SKIC3: variants seen among roughly 807,000 people sequenced by gnomAD.
SKIC3 encodes superkiller complex protein 3.
the SKIC3 span, among the ~76,000 whole-genome samples, chr5:95,469,387 T>A: frequency 6.6e-6 from 1 of 152,228 alleles, no homozygotes; most frequent in Non-Finnish European, 1.5e-5. Context: ...TCATAGCTTA[T>A]AACAATAGCA....
the SKIC3 span, among the ~76,000 whole-genome samples, chr5:95,483,407 C>T: frequency 8.6e-5 from 13 of 152,020 alleles, no homozygotes; most frequent in Non-Finnish European, 1.3e-4. Flanking sequence ...AACAACAAAC[C>T]GACAAGGAAA....
chr5:95,520,503 C>A, the SKIC3 span, among the ~76,000 whole-genome samples: 1 of 145,894 alleles, frequency 6.9e-6, no homozygotes, highest in African/African-American at 2.6e-5. Flanking sequence ...TCTAGGATGC[C>A]AGCCACTACT....
the SKIC3 span, among the ~76,000 whole-genome samples, chr5:95,535,009 T>C: frequency 3.3e-5 from 5 of 152,184 alleles, no homozygotes; most frequent in Non-Finnish European, 7.3e-5. Flanking sequence ...GATTTTTGTC[T>C]CTCCGTCTAA....
chr5:95,490,865 A>T, the SKIC3 span: 5 of 1,610,604 alleles, frequency 3.1e-6, no homozygotes, highest in Non-Finnish European at 4.2e-6. Flanking sequence ...CCATTCAAGA[A>T]ATCTGAATTA....
At chr5:95,535,971 T>G in the SKIC3 span, among the ~76,000 whole-genome samples, 1 of 151,972 alleles carries the variant, frequency 6.6e-6, no homozygotes. Context: ...GAGTAGGGCA[T>G]GAAATTCAGG....
the SKIC3 span, chr5:95,484,783 C>T: frequency 6.2e-7 from 1 of 1,614,130 alleles, no homozygotes; most frequent in Non-Finnish European, 8.5e-7. Flanking sequence ...CCAGTGACAG[C>T]TTGTGAGAGA....
At chr5:95,539,752 G>A in the SKIC3 span, among the ~76,000 whole-genome samples, 2 of 151,614 alleles carry the variant, frequency 1.3e-5, no homozygotes, top group African/African-American at 2.4e-5. Flanking sequence ...GCTGAGGCAG[G>A]AGAATTGCTT....
chr5:95,495,107 C>T, the SKIC3 span: 4 of 1,265,096 alleles, frequency 3.2e-6, no homozygotes, highest in Non-Finnish European at 4.6e-6. Context: ...TCCACTAAAT[C>T]ACTGGAAAGG....
At chr5:95,464,523 A>T in the SKIC3 span, 2 of 1,072,768 alleles carry the variant, frequency 1.9e-6, no homozygotes, top group South Asian at 2.8e-5. Flanking sequence ...AGTTTAAAAA[A>T]ATGTTGCTTT....
the SKIC3 span, chr5:95,503,751 G>T: frequency 6.2e-7 from 1 of 1,603,714 alleles, no homozygotes. Context: ...CTTTCTGTAT[G>T]TGTGCTCATC....
At chr5:95,490,879 C>A in the SKIC3 span, 2 of 1,612,914 alleles carry the variant, frequency 1.2e-6, no homozygotes, top group South Asian at 2.2e-5. Context: ...TGAATTAAAT[C>A]ATGTATAAAG....
chr5:95,541,409 A>T, the SKIC3 span: 1 of 1,606,088 alleles, frequency 6.2e-7, no homozygotes, highest in South Asian at 1.1e-5. Flanking sequence ...ACACACACAC[A>T]AAAGGATTTT....
the SKIC3 span, among the ~76,000 whole-genome samples, chr5:95,492,636 C>CAAAAA: frequency 7.8e-4 from 11 of 14,128 alleles, no homozygotes; most frequent in East Asian, 5.0e-3. Flanking sequence ...GACTCCGTCT[C>CAAAAA]AAAAAAAAAA....
the SKIC3 span, among the ~76,000 whole-genome samples, chr5:95,541,645 G>A: frequency 2.7e-5 from 4 of 150,532 alleles, no homozygotes; most frequent in South Asian, 6.3e-4. Flanking sequence ...CCTCTTACTA[G>A]TAGTGTTTTG....
the SKIC3 span, among the ~76,000 whole-genome samples, chr5:95,528,610 C>T: frequency 6.6e-6 from 1 of 151,990 alleles, no homozygotes; most frequent in African/African-American, 2.4e-5. Context: ...ATTTCCTATC[C>T]CCACCCCTCA....
chr5:95,468,435 C>T, the SKIC3 span, among the ~76,000 whole-genome samples: 2 of 152,096 alleles, frequency 1.3e-5, no homozygotes, highest in Admixed American at 1.3e-4. Flanking sequence ...TATTCAATGT[C>T]TACATTACAG....
chr5:95,522,220 T>C, the SKIC3 span: 8 of 1,613,886 alleles, frequency 5.0e-6, no homozygotes, highest in Non-Finnish European at 5.1e-6. Context: ...TCAAGGCTGT[T>C]GTGTAGCCTC....
chr5:95,517,226 A>T, the SKIC3 span: 1 of 1,613,328 alleles, frequency 6.2e-7, no homozygotes, highest in Non-Finnish European at 8.5e-7. Context: ...CTAAAACATG[A>T]ACATTCACTT....
the SKIC3 span, chr5:95,509,515 G>T: frequency 2.7e-6 from 3 of 1,098,414 alleles, no homozygotes; most frequent in East Asian, 7.5e-5. Context: ...TTCTCCCAAC[G>T]CACAGGCCAG....
Sources: gnomAD v4.1 joint callset for allele counts (sites outside exome capture counted in the v4.1 genomes callset) on GRCh38, gnomAD v4.1.1 for gene constraint, MANE v1.5 for transcripts, NCBI Gene and HGNC (gene_info 2026-07-23, HGNC 2026-07-21) for gene names.